PLCL2: variants seen among roughly 807,000 people sequenced by gnomAD.
The protein encoded by PLCL2 is inactive phospholipase C-like protein 2.
Under a neutral mutation model 79.6 loss-of-function variants are expected in PLCL2, and 4 were observed. That is an observed-to-expected ratio of 0.05 (90% confidence interval 0.02 to 0.11). The LOEUF is 0.11. Ranked by LOEUF, PLCL2 falls within the 10% of genes least tolerant of loss-of-function variation. The probability of loss-of-function intolerance (pLI) is 1.00; values close to 1 mark genes in which losing one functional copy is unlikely to be tolerated. For synonymous variants in PLCL2, 484 were observed against 457.7 expected, an observed-to-expected ratio of 1.06 and a Z score of -0.73; for missense variants, 895 against 1,291.0, an observed-to-expected ratio of 0.69 and a Z score of 4.70.
intron 1 of PLCL2, among the ~76,000 whole-genome samples, chr3:16,906,662 A>G (rs1270071224): frequency 6.6e-6 from 1 of 152,266 alleles, no homozygotes; most frequent in African/African-American, 2.4e-5. Flanking sequence ...GAATATATGT[A>G]ATACTTTTTA....
intron 1 of PLCL2, among the ~76,000 whole-genome samples, chr3:16,953,528 T>C (rs899947280): frequency 6.6e-6 from 1 of 152,176 alleles, no homozygotes; most frequent in Non-Finnish European, 1.5e-5. Flanking sequence ...TCTAAAAATC[T>C]CTTTTTCATG....
At chr3:17,083,409 A>G (rs2065183933) in intron 5 of PLCL2, among the ~76,000 whole-genome samples, 1 of 152,218 alleles carries the variant, frequency 6.6e-6, no homozygotes, top group Admixed American at 6.5e-5. Context: ...AGCGTAGCAT[A>G]TCAGAGGCTG....
At chr3:16,964,796 C>T (rs1361294879) in intron 1 of PLCL2, among the ~76,000 whole-genome samples, 3 of 152,066 alleles carry the variant, frequency 2.0e-5, no homozygotes, top group Non-Finnish European at 2.9e-5. Flanking sequence ...TTTCATGTGT[C>T]TGTTGGCTGC....
intron 1 of PLCL2, among the ~76,000 whole-genome samples, chr3:16,929,380 A>C (rs1353932255): frequency 1.3e-5 from 2 of 152,172 alleles, no homozygotes; most frequent in Non-Finnish European, 2.9e-5. Flanking sequence ...GCAAGAAAAG[A>C]GGTTTCCCAA....
At chr3:17,040,220 T>C (rs946043542) in intron 3 of PLCL2, among the ~76,000 whole-genome samples, 6 of 152,156 alleles carry the variant, frequency 3.9e-5, no homozygotes, top group Non-Finnish European at 7.4e-5. Flanking sequence ...TAAACGATTG[T>C]CCCAAGAATA....
intron 5 of PLCL2, among the ~76,000 whole-genome samples, chr3:17,080,996 C>T (rs2065157084): frequency 6.6e-6 from 1 of 152,156 alleles, no homozygotes; most frequent in African/African-American, 2.4e-5. Context: ...AACAAACATA[C>T]CAGAGAGAAA....
chr3:17,006,819 A>G (rs2064265348), intron 1 of PLCL2, among the ~76,000 whole-genome samples: 1 of 152,238 alleles, frequency 6.6e-6, no homozygotes, highest in African/African-American at 2.4e-5. Context: ...CCTGTTCCAC[A>G]TACATGGGTA....
At chr3:17,042,756 A>AT (rs1038448136) in intron 3 of PLCL2, 118 bp from the exon 4 acceptor site, 26 of 693,614 alleles carry the variant, frequency 3.7e-5, no homozygotes, top group Admixed American at 1.1e-4. Flanking sequence ...GGAAAGTCAG[A>AT]TAAAAAAGCG....
intron 1 of PLCL2, among the ~76,000 whole-genome samples, chr3:16,898,606 G>C (rs908431646): frequency 4.6e-5 from 7 of 152,154 alleles, no homozygotes; most frequent in Non-Finnish European, 7.3e-5. Context: ...TGAGATGTGT[G>C]GCCTCTGTGG....
intron 1 of PLCL2, among the ~76,000 whole-genome samples, chr3:16,959,416 C>G (rs1026946090): frequency 6.6e-6 from 1 of 152,176 alleles, no homozygotes; most frequent in Non-Finnish European, 1.5e-5. Flanking sequence ...CTTTCCACAG[C>G]AGTAATGTTG....
chr3:16,986,937 C>T (rs2064055930), intron 1 of PLCL2, among the ~76,000 whole-genome samples: 1 of 151,948 alleles, frequency 6.6e-6, no homozygotes. Flanking sequence ...GTTCATCTAT[C>T]TCTTTGCTTT....
intron 3 of PLCL2, among the ~76,000 whole-genome samples, chr3:17,016,729 C>G (rs932067201): frequency 6.6e-6 from 1 of 152,082 alleles, no homozygotes; most frequent in Non-Finnish European, 1.5e-5. Flanking sequence ...CTAAATAGTT[C>G]TTGACTTAAG....
chr3:17,000,225 C>T (rs1040927668), intron 1 of PLCL2, among the ~76,000 whole-genome samples: 4 of 152,118 alleles, frequency 2.6e-5, no homozygotes, highest in Non-Finnish European at 5.9e-5. Flanking sequence ...ATATGTAGTA[C>T]ATTTGCAGGC....
intron 3 of PLCL2, among the ~76,000 whole-genome samples, chr3:17,029,525 T>C (rs1030375363): frequency 1.3e-5 from 2 of 152,096 alleles, no homozygotes; most frequent in Non-Finnish European, 1.5e-5. Flanking sequence ...GTTTTATGAT[T>C]TTTTTCCCAA....
At chr3:17,033,543 G>A (rs530783550) in intron 3 of PLCL2, among the ~76,000 whole-genome samples, 2 of 152,262 alleles carry the variant, frequency 1.3e-5, no homozygotes, top group African/African-American at 2.4e-5. Flanking sequence ...AACAATTTGA[G>A]CATACCAAAA....
intron 1 of PLCL2, among the ~76,000 whole-genome samples, chr3:16,913,795 C>A (rs186878518): frequency 1.2e-3 from 186 of 152,206 alleles, no homozygotes; most frequent in African/African-American, 4.3e-3. Context: ...GAATAGAACA[C>A]TGGGGGTGCT....
At chr3:17,035,565 G>C (rs1034363706) in intron 3 of PLCL2, among the ~76,000 whole-genome samples, 1 of 152,076 alleles carries the variant, frequency 6.6e-6, no homozygotes, top group Non-Finnish European at 1.5e-5. Flanking sequence ...GCCCCCACCT[G>C]CTTCCTGTTC....
In PLCL2 at chr3:17,014,383, G is replaced by A. The variant is rs60945602; in HGVS notation, c.2815-325G>A. 3.3e-5 allele frequency among the ~76,000 whole-genome samples: 5 copies of A among 151,622 alleles called. No homozygotes were observed. In the East Asian group the frequency reaches 7.8e-4, roughly 24 times the overall value. ...CCCTCTTTGAATGCAGAAGCTATTC[G>A]CTCTGTTTGCTCATAGTTGCATATC... On this transcript the variant is annotated intron_variant, in intron 2 of 5. Transcript: ENST00000615277.
intron 5 of PLCL2, among the ~76,000 whole-genome samples, chr3:17,077,746 C>G (rs4685426): frequency 0.44 from 67,529 of 151,974 alleles, 15,349 homozygotes; most frequent in East Asian, 0.59. Context: ...ACAGAGGAGT[C>G]GCCACAGATG....
Sources: allele counts gnomAD v4.1 joint callset (sites outside exome capture counted in the v4.1 genomes callset), GRCh38; gene constraint gnomAD v4.1.1; transcripts MANE v1.5; gene names NCBI Gene and HGNC (gene_info 2026-07-23, HGNC 2026-07-21).